NRG3: variants seen among roughly 807,000 people sequenced by gnomAD.
The protein encoded by NRG3 is neuregulin 3, also known as pro-neuregulin-3, membrane-bound isoform.
Under a neutral mutation model 66.9 loss-of-function variants are expected in NRG3, and 31 were observed. The ratio of observed to expected loss-of-function variants is 0.46; its 90% CI spans 0.35 to 0.63. The LOEUF is 0.63. Among genes scored for constraint, NRG3 ranks in the 20% least tolerant of loss-of-function variants. The probability of loss-of-function intolerance (pLI) is 0.00; values close to 1 mark genes in which losing one functional copy is unlikely to be tolerated. For synonymous variants in NRG3, 393 were observed against 359.4 expected (o/e 1.09, Z -1.06); for missense variants, 910 against 878.9 (o/e 1.04, Z -0.45).
At chr10:82,731,366 CA>C (rs557587083) in intron 2 of NRG3, among the ~76,000 whole-genome samples, 32,187 of 85,174 alleles carry the variant, frequency 0.38, 3,414 homozygotes, top group South Asian at 0.47. Flanking sequence ...TACTCTGTCT[CA>C]AAAAAAAAAA....
intron 1 of NRG3, among the ~76,000 whole-genome samples, chr10:82,145,228 G>C (rs1474043773): frequency 6.6e-6 from 1 of 152,154 alleles, no homozygotes; most frequent in Admixed American, 6.6e-5. Flanking sequence ...ACAAGGAATT[G>C]CTAAAATGAA....
chr10:82,477,299 G>C (rs1406137545), intron 2 of NRG3, among the ~76,000 whole-genome samples: 1 of 152,060 alleles, frequency 6.6e-6, no homozygotes, highest in Non-Finnish European at 1.5e-5. Context: ...AGCAGAGTTG[G>C]GTTCCAGAAG....
chr10:82,800,070 T>C (rs1011538079), intron 3 of NRG3, among the ~76,000 whole-genome samples: 1 of 152,198 alleles, frequency 6.6e-6, no homozygotes, highest in Non-Finnish European at 1.5e-5. Flanking sequence ...CCTTTGGTTC[T>C]CTTTGCTTCC....
intron 6 of NRG3, among the ~76,000 whole-genome samples, chr10:82,964,912 C>T (rs1032586487): frequency 7.9e-5 from 12 of 152,146 alleles, no homozygotes; most frequent in African/African-American, 7.2e-5. Flanking sequence ...TGCCAACATG[C>T]GCCTGCTTCA....
At chr10:82,855,100 G>T (rs1591735964) in intron 3 of NRG3, among the ~76,000 whole-genome samples, 1 of 152,068 alleles carries the variant, frequency 6.6e-6, no homozygotes, top group East Asian at 1.9e-4. Flanking sequence ...AGTTGTCTTT[G>T]GCGTTTCTTT....
At chr10:82,603,259 T>C (rs1342426908) in intron 2 of NRG3, among the ~76,000 whole-genome samples, 2 of 152,106 alleles carry the variant, frequency 1.3e-5, no homozygotes, top group East Asian at 1.9e-4. Flanking sequence ...AGAGCCCCAC[T>C]CTCGGGAGGC....
intron 3 of NRG3, among the ~76,000 whole-genome samples, chr10:82,838,645 G>A (rs758656108): frequency 4.9e-5 from 7 of 142,158 alleles, no homozygotes; most frequent in African/African-American, 1.9e-4. Flanking sequence ...AATAATTGAA[G>A]TTTATAAATA....
chr10:82,548,780 C>CA (rs1565057038), intron 2 of NRG3, among the ~76,000 whole-genome samples: 4 of 151,840 alleles, frequency 2.6e-5, no homozygotes, highest in Non-Finnish European at 5.9e-5. Context: ...TTAATTAAAA[C>CA]AAAAAGCATC....
At chr10:82,865,492 G>A (rs755142589) in intron 4 of NRG3, 55 bp downstream of exon 4, 9 of 1,525,458 alleles carry the variant, frequency 5.9e-6, no homozygotes, top group Admixed American at 1.7e-5. Context: ...GCTTTATGAT[G>A]TACATAGTGC....
At chr10:81,881,354 A>G (rs765770782) in intron 1 of NRG3, among the ~76,000 whole-genome samples, 71 of 152,140 alleles carry the variant, frequency 4.7e-4, no homozygotes, top group Non-Finnish European at 8.5e-4. Context: ...AAGTTAAGGA[A>G]AAAAATACTC....
chr10:82,627,224 A>G (rs957439607), intron 2 of NRG3, among the ~76,000 whole-genome samples: 2 of 152,068 alleles, frequency 1.3e-5, no homozygotes, highest in Non-Finnish European at 2.9e-5. Flanking sequence ...CATTTTCTTC[A>G]GGGCATGGAG....
intron 1 of NRG3, among the ~76,000 whole-genome samples, chr10:82,012,945 T>G (rs777989979): frequency 6.6e-6 from 1 of 152,222 alleles, no homozygotes; most frequent in Non-Finnish European, 1.5e-5. Flanking sequence ...TGTCTTCTTC[T>G]GAGCCAACTA....
intron 1 of NRG3, among the ~76,000 whole-genome samples, chr10:81,981,689 G>T (rs533640693): frequency 1.3e-5 from 2 of 152,226 alleles, no homozygotes; most frequent in African/African-American, 2.4e-5. Flanking sequence ...TGGCAGTCCC[G>T]CCAATCTCTG....
At chr10:81,884,575 A>T (rs1398349640) in intron 1 of NRG3, among the ~76,000 whole-genome samples, 1 of 152,220 alleles carries the variant, frequency 6.6e-6, no homozygotes, top group East Asian at 1.9e-4. Flanking sequence ...TACAAATAAG[A>T]AACAAGTATA....
chr10:81,920,583 G>A (rs980798289), intron 1 of NRG3, among the ~76,000 whole-genome samples: 2 of 152,004 alleles, frequency 1.3e-5, no homozygotes, highest in African/African-American at 4.8e-5. Flanking sequence ...TATTCAATTT[G>A]GAAAATTTTG....
intron 1 of NRG3, among the ~76,000 whole-genome samples, chr10:81,914,174 T>A (rs558902995): frequency 2.8e-4 from 42 of 152,194 alleles, no homozygotes; most frequent in Non-Finnish European, 4.1e-4. Flanking sequence ...TAGTTTATAT[T>A]TTTACAATGA....
chr10:81,908,158 T>C (rs1309896744), intron 1 of NRG3, among the ~76,000 whole-genome samples: 2 of 152,190 alleles, frequency 1.3e-5, no homozygotes, highest in South Asian at 4.1e-4. Context: ...TTCAATGTTA[T>C]GCAGGTATAT....
intron 1 of NRG3, among the ~76,000 whole-genome samples, chr10:82,293,122 T>C (rs1235022551): frequency 6.6e-6 from 1 of 152,182 alleles, no homozygotes; most frequent in Non-Finnish European, 1.5e-5. Flanking sequence ...AGTGCTCTCT[T>C]GATTCTCCTG....
At chr10:82,235,929 A>G (rs2076728370) in intron 1 of NRG3, among the ~76,000 whole-genome samples, 1 of 151,954 alleles carries the variant, frequency 6.6e-6, no homozygotes, top group Non-Finnish European at 1.5e-5. Flanking sequence ...GTAGAACTGG[A>G]TCTACAATGA....
Sources: allele counts gnomAD v4.1 joint callset (sites outside exome capture counted in the v4.1 genomes callset), GRCh38; gene constraint gnomAD v4.1.1; transcripts MANE v1.5; gene names NCBI Gene and HGNC (gene_info 2026-07-23, HGNC 2026-07-21).